Variants in MEOX1 observed in about 807,000 individuals in gnomAD.
MEOX1 encodes the protein mesenchyme homeobox 1, also known as homeobox protein MOX-1.
In MEOX1, 17 loss-of-function variants were observed where a neutral mutation model predicts 23.2. The ratio of observed to expected loss-of-function variants is 0.73; its 90% confidence interval spans 0.50 to 1.10. MEOX1 has a LOEUF of 1.10. Among genes scored for constraint, MEOX1 ranks in the 50% least tolerant of loss-of-function variants. The pLI is 0.00. For missense variants in MEOX1, 333 were observed against 332.2 expected (o/e 1.00, Z -0.02); for synonymous variants, 134 against 135.1 (o/e 0.99, Z 0.06).
intron 2 of MEOX1, among the ~76,000 whole-genome samples, 163 bp from the exon 3 acceptor site, chr17:43,642,195 G>A (rs1054206471): frequency 1.3e-5 from 2 of 152,170 alleles, no homozygotes; most frequent in African/African-American, 4.8e-5. Context: ...GGACCGAAGA[G>A]AGGACATACC....
chr17:43,659,946 A>G (rs1598269210), intron 1 of MEOX1, among the ~76,000 whole-genome samples: 1 of 152,340 alleles, frequency 6.6e-6, no homozygotes, highest in East Asian at 1.9e-4. Context: ...AAACTCGGGA[A>G]AGCTGTGCTT....
In MEOX1 at chr17:43,661,700, T is replaced by G; in HGVS notation, c.-166A>C. ...AAAAAAAAAAAACCCAAAACTAAAGTCTCTCCTTAAAGTACACACACATGT... is the reference window on the plus strand; with the variant it reads ...AAAAAAAAAAAACCCAAAACTAAAGGCTCTCCTTAAAGTACACACACATGT... On this transcript the variant is annotated 5_prime_UTR_variant, in exon 1 of 3. Transcript: ENST00000318579. 1 of 526,540 alleles carries G rather than the reference T, an allele frequency of 1.9e-6. No individual in the cohort carries two copies. The highest frequency in any genetic ancestry group is 3.3e-6 in the Non-Finnish European group (1 of 306,988). The allele number at this position is 526,540 out of a possible 1,614,324, so 32.6% of individuals were successfully genotyped here.
Position 43,641,872 on chromosome 17 carries a change from G to A in MEOX1, c.*38C>T, listed in dbSNP as rs1317955266. Reference sequence around the variant, plus strand: ...ATTGGGGTGGGGGTAGTTGGGTAGGGGGCTCAGTCCTTAGTCATTTTTCCT... The same window carrying A: ...ATTGGGGTGGGGGTAGTTGGGTAGGAGGCTCAGTCCTTAGTCATTTTTCCT... On this transcript the variant is annotated 3_prime_UTR_variant, in exon 3 of 3. Transcript: ENST00000318579. The A allele has an allele frequency of 6.3e-7, 1 of 1,586,580 alleles. No individual in the cohort carries two copies. Among genetic ancestry groups the A allele is most frequent in the Non-Finnish European group, 8.6e-7 (1 of 1,166,304 alleles).
At chr17:43,645,308 C>T (rs1005645669) in intron 1 of MEOX1, among the ~76,000 whole-genome samples, 1 of 151,554 alleles carries the variant, frequency 6.6e-6, no homozygotes, top group Admixed American at 6.6e-5. Context: ...TCCCGAGTAG[C>T]TGGGACTACA....
chr17:43,651,557 AAAAAG>A (rs1307049680), intron 1 of MEOX1, among the ~76,000 whole-genome samples: 2 of 151,670 alleles, frequency 1.3e-5, no homozygotes, highest in Non-Finnish European at 2.9e-5. Context: ...AGGGGGAAAA[AAAAAG>A]AAAAGAAAAG....
intron 1 of MEOX1, among the ~76,000 whole-genome samples, chr17:43,651,133 A>G (rs562967492): frequency 1.5e-4 from 23 of 152,178 alleles, no homozygotes; most frequent in African/African-American, 4.8e-4. Flanking sequence ...CCTGGCTAAT[A>G]TGGTGAAACC....
chr17:43,656,996 TTTTCTTTCTTTCTTTCTC>T (rs1256118774), intron 1 of MEOX1, among the ~76,000 whole-genome samples: 1,567 of 128,376 alleles, frequency 0.012, 21 homozygotes, highest in Non-Finnish European at 0.017. Context: ...CTTTCTTTCT[TTTTCTTTCTTTCTTTCTC>T]TTTCTTTCTT....
At chr17:43,660,082 G>A (rs1474423081) in intron 1 of MEOX1, among the ~76,000 whole-genome samples, 5 of 152,214 alleles carry the variant, frequency 3.3e-5, no homozygotes, top group African/African-American at 1.2e-4. Flanking sequence ...GAGGGCGGCT[G>A]TCAGGAGGAA....
chr17:43,658,033 A>T (rs1159937982), intron 1 of MEOX1, among the ~76,000 whole-genome samples: 2 of 152,258 alleles, frequency 1.3e-5, no homozygotes, highest in African/African-American at 4.8e-5. Context: ...GGAAGAAGTT[A>T]TGAACTTTTC....
intron 1 of MEOX1, among the ~76,000 whole-genome samples, chr17:43,652,989 G>A (rs1461526550): frequency 1.3e-5 from 2 of 151,378 alleles, no homozygotes; most frequent in East Asian, 3.9e-4. Context: ...CTGCCACCAC[G>A]CTTGGCTAAT....
At chr17:43,657,175 T>C (rs1472856261) in intron 1 of MEOX1, among the ~76,000 whole-genome samples, 26 of 138,142 alleles carry the variant, frequency 1.9e-4, no homozygotes, top group East Asian at 1.6e-3. Flanking sequence ...TCTTTCTTTT[T>C]TTTTTTTTTT....
At position 43,658,778 on chromosome 17, in the gene MEOX1, TA is replaced by T. The variant is rs113986395; in HGVS notation, c.469+2287del. Among the ~76,000 whole-genome samples, 77 of 152,224 alleles carry T rather than the reference TA, an allele frequency of 5.1e-4. 1 individual carries two copies. The highest frequency in any genetic ancestry group is 1.8e-3 in the African/African-American group (75 of 41,522). On this transcript the variant is annotated intron_variant, in intron 1 of 2. Transcript: ENST00000318579. ...TCTTGCCTCCTTCCTCCCCTTCAGT[TA>T]AATTCCAAAGGAGGATGCAAGCATT...
At chr17:43,645,067 C>G (rs1294635434) in intron 1 of MEOX1, among the ~76,000 whole-genome samples, 1 of 152,020 alleles carries the variant, frequency 6.6e-6, no homozygotes, top group East Asian at 1.9e-4. Flanking sequence ...GGGAAGAAGA[C>G]CACACACTTA....
chr17:43,643,532 GGAGCCGAGTCAGGTA>G lies in MEOX1; in HGVS notation c.583_597del (p.Tyr195_Leu199del). ...AGGTTTACCGCAATCTCATATCTGC[GGAGCCGAGTCAGGTA>G]GTTATGATGGGCAAACTCTGCCTCC... On this transcript the variant is annotated inframe_deletion, in exon 2 of 3. Transcript: ENST00000318579. 1.2e-6 allele frequency: 2 copies of G among 1,607,714 alleles called. No homozygotes were observed. Among genetic ancestry groups the G allele is most frequent in the Non-Finnish European group, 1.7e-6 (2 of 1,177,398 alleles).
Position 43,641,899 on chromosome 17 carries a change from C to T in MEOX1, c.*11G>A. 1.2e-6 allele frequency: 2 copies of T among 1,608,584 alleles called. No homozygotes were observed. The highest frequency in any genetic ancestry group is 1.3e-5 in the African/African-American group (1 of 74,844). On this transcript the variant is annotated 3_prime_UTR_variant, in exon 3 of 3. Coordinates refer to ENST00000318579, the MANE Select transcript of MEOX1 (RefSeq NM_004527.4). ...GCTCAGTCCTTAGTCATTTTTCCTC[C>T]ATGCAGAATCTCACTCTGAACTTGG... is the stretch of plus-strand genomic sequence containing the variant.
chr17:43,659,403 G>A (rs1275211784), intron 1 of MEOX1, among the ~76,000 whole-genome samples: 1 of 152,088 alleles, frequency 6.6e-6, no homozygotes, highest in African/African-American at 2.4e-5. Flanking sequence ...CAGCCATGAG[G>A]GCTGCTAGAG....
chr17:43,640,717 GTCCT>G lies in MEOX1; in HGVS notation c.*1189_*1192del, dbSNP rs1285014815. 6.6e-6 allele frequency: 1 copy of G among 152,200 alleles called. No individual in the cohort carries two copies. The highest frequency in any genetic ancestry group is 2.1e-4 in the South Asian group (1 of 4,832). 9.4% of individuals were successfully genotyped at this position (152,200 alleles called of 1,614,324 possible). ...AGTCCCCCATGCTCTTTGGCCATCA[GTCCT>G]CAAATGTCATCTCCAGAAGACCTGG... On this transcript the variant is annotated 3_prime_UTR_variant, in exon 3 of 3. Transcript: ENST00000318579.
intron 2 of MEOX1, among the ~76,000 whole-genome samples, chr17:43,642,792 T>C (rs944838064): frequency 2.0e-5 from 3 of 152,064 alleles, no homozygotes; most frequent in Admixed American, 1.3e-4. Context: ...GCCCACTCAT[T>C]ATGGTAAAAT....
chr17:43,643,365 G>T, intron 2 of MEOX1, 123 bp downstream of exon 2: 2 of 948,220 alleles, frequency 2.1e-6, no homozygotes, highest in Non-Finnish European at 3.0e-6. Flanking sequence ...TGTGGCCACA[G>T]TTGAAAACCG....
Sources: allele counts gnomAD v4.1 joint callset (sites outside exome capture counted in the v4.1 genomes callset), GRCh38; gene constraint gnomAD v4.1.1; transcripts MANE v1.5; gene names NCBI Gene and HGNC (gene_info 2026-07-23, HGNC 2026-07-21).